Variants in TAMM41 observed in about 807,000 individuals in gnomAD.
The protein encoded by TAMM41 is phosphatidate cytidylyltransferase, mitochondrial.
Under a neutral mutation model 44.1 loss-of-function variants are expected in TAMM41, and 36 were observed. The ratio of observed to expected loss-of-function variants is 0.82; its 90% CI spans 0.63 to 1.08. The LOEUF is 1.08. Among genes scored for constraint, TAMM41 ranks in the 50% least tolerant of loss-of-function variants. The pLI is 0.00. For missense variants in TAMM41, 417 were observed against 404.3 expected, an observed-to-expected ratio of 1.03 and a Z score of -0.27; for synonymous variants, 164 against 153.1, an observed-to-expected ratio of 1.07 and a Z score of -0.53.
chr3:11,731,788 A>C, the TAMM41 span, among the ~76,000 whole-genome samples: 1 of 151,944 alleles, frequency 6.6e-6, no homozygotes, highest in South Asian at 2.1e-4. Flanking sequence ...TCCAGCTTCC[A>C]CGTGTCTCCC....
the TAMM41 span, among the ~76,000 whole-genome samples, chr3:11,743,459 A>G: frequency 6.6e-6 from 1 of 151,436 alleles, no homozygotes; most frequent in Non-Finnish European, 1.5e-5. Context: ...TCAGCCTCCC[A>G]ATTAGCTGGG....
intron 5 of TAMM41, among the ~76,000 whole-genome samples, chr3:11,815,312 T>C (rs1245643861): frequency 6.6e-6 from 1 of 152,070 alleles, no homozygotes; most frequent in Non-Finnish European, 1.5e-5. Context: ...GGCTGTGCAG[T>C]GAGCTAGAAA....
chr3:11,839,754 T>C (rs1169648662), intron 2 of TAMM41, among the ~76,000 whole-genome samples: 1 of 152,186 alleles, frequency 6.6e-6, no homozygotes, highest in Non-Finnish European at 1.5e-5. Flanking sequence ...ATCCCCTTTG[T>C]AAAACTAATG....
At chr3:11,770,683 G>A in the TAMM41 span, among the ~76,000 whole-genome samples, 1 of 152,152 alleles carries the variant, frequency 6.6e-6, no homozygotes, top group East Asian at 1.9e-4. Flanking sequence ...GACCGGCTGA[G>A]CCACATACCA....
rs2078029736 is a variant in TAMM41, at chr3:11,809,701, A to G, written c.709-19T>C. The G allele has an allele frequency of 1.9e-6, 3 of 1,589,322 alleles. No individual in the cohort carries two copies. The highest frequency in any genetic ancestry group is 2.6e-6 in the Non-Finnish European group (3 of 1,174,382). ...TATCTATCTGAAGGGAGGAAAAAAA[A>G]GACGACGTCTATGGAAGTGCTTTAA... On this transcript the variant is annotated intron_variant, in intron 5 of 7. Transcript: ENST00000455809.
the TAMM41 span, among the ~76,000 whole-genome samples, chr3:11,759,075 T>C: frequency 7.6e-4 from 115 of 152,294 alleles, no homozygotes; most frequent in Non-Finnish European, 1.5e-3. Flanking sequence ...CCAAATCCCA[T>C]TAATTATTTA....
At chr3:11,802,296 A>T (rs536135304) in intron 7 of TAMM41, among the ~76,000 whole-genome samples, 20 of 152,316 alleles carry the variant, frequency 1.3e-4, no homozygotes, top group African/African-American at 4.6e-4. Context: ...TAAGAAGACA[A>T]GAGAGATACA....
intron 7 of TAMM41, among the ~76,000 whole-genome samples, chr3:11,794,041 A>T (rs902938810): frequency 2.0e-5 from 3 of 152,212 alleles, no homozygotes; most frequent in African/African-American, 4.8e-5. Flanking sequence ...CAAGACACTG[A>T]ACTAGTTGCT....
the TAMM41 span, among the ~76,000 whole-genome samples, chr3:11,770,805 CAG>C: frequency 1.3e-5 from 2 of 152,212 alleles, no homozygotes; most frequent in Admixed American, 1.3e-4. Flanking sequence ...TGTTAAATAA[CAG>C]AGTCTTCAAG....
At chr3:11,765,699 CA>C in the TAMM41 span, among the ~76,000 whole-genome samples, 5 of 130,684 alleles carry the variant, frequency 3.8e-5, no homozygotes, top group African/African-American at 8.5e-5. Flanking sequence ...CTTCTGGAGT[CA>C]AAATTTTTTT....
the TAMM41 span, among the ~76,000 whole-genome samples, chr3:11,777,881 A>G: frequency 6.6e-6 from 1 of 152,180 alleles, no homozygotes; most frequent in Non-Finnish European, 1.5e-5. Flanking sequence ...ATTAACCTAA[A>G]AAGAAAACTT....
chr3:11,786,169 C>A (rs1575593451), downstream of TAMM41, among the ~76,000 whole-genome samples: 1 of 152,130 alleles, frequency 6.6e-6, no homozygotes, highest in Middle Eastern at 3.4e-3. Context: ...AGCTTCTCTG[C>A]ACGTAATCCT....
At position 11,846,637 on chromosome 3, in the gene TAMM41, G is replaced by C; in HGVS notation, c.-1C>G. On this transcript the variant is annotated 5_prime_UTR_variant, in exon 1 of 8. Coordinates refer to ENST00000455809, the MANE Select transcript of TAMM41 (RefSeq NM_001284401.2). ...AGCTCTGCAGCGTCTGCAGCGCCAT[G>C]GGGTCGAGGCTAACAGGGGACACTC... The C allele has an allele frequency of 1.2e-6, 2 of 1,614,200 alleles. No individual in the cohort carries two copies. The highest frequency in any genetic ancestry group is 2.2e-5 in the South Asian group (2 of 91,084).
intron 5 of TAMM41, among the ~76,000 whole-genome samples, chr3:11,816,637 G>T (rs2078287775): frequency 6.6e-6 from 1 of 152,132 alleles, no homozygotes. Context: ...GTGGTGGCAT[G>T]CACCTGTAGT....
intron 7 of TAMM41, among the ~76,000 whole-genome samples, chr3:11,798,275 A>G (rs1383195564): frequency 2.0e-5 from 3 of 152,228 alleles, no homozygotes; most frequent in African/African-American, 7.2e-5. Context: ...TAGACTGCAT[A>G]AAGAAAACGT....
At chr3:11,838,570 G>C (rs563037750) in intron 3 of TAMM41, among the ~76,000 whole-genome samples, 69 of 152,268 alleles carry the variant, frequency 4.5e-4, no homozygotes, top group African/African-American at 1.6e-3. Flanking sequence ...CACAACTGAG[G>C]AACCGCCAAA....
At chr3:11,750,718 G>C in the TAMM41 span, among the ~76,000 whole-genome samples, 1 of 152,278 alleles carries the variant, frequency 6.6e-6, no homozygotes, top group Non-Finnish European at 1.5e-5. Context: ...AAATCTGTTT[G>C]AGAGCCTGGG....
chr3:11,831,782 T>C (rs545765186), intron 3 of TAMM41, among the ~76,000 whole-genome samples: 15 of 152,350 alleles, frequency 9.8e-5, no homozygotes, highest in Non-Finnish European at 2.1e-4. Context: ...AGAATCTGAA[T>C]TCTTTTACCT....
the TAMM41 span, among the ~76,000 whole-genome samples, chr3:11,755,021 T>C: frequency 1.3e-4 from 20 of 152,218 alleles, no homozygotes; most frequent in East Asian, 3.7e-3. Flanking sequence ...TTCTCCTCAC[T>C]GTCCTTCCTT....
Sources: gnomAD v4.1 joint callset for allele counts (sites outside exome capture counted in the v4.1 genomes callset) on GRCh38, gnomAD v4.1.1 for gene constraint, MANE v1.5 for transcripts, NCBI Gene and HGNC (gene_info 2026-07-23, HGNC 2026-07-21) for gene names.